PKNOX2: variants seen among roughly 807,000 people sequenced by gnomAD.
PKNOX2 encodes homeobox protein PKNOX2.
A neutral mutation model predicts 53.1 loss-of-function variants in PKNOX2; 14 were observed. The observed-to-expected ratio is 0.26, with a 90% CI of 0.17 to 0.41. The LOEUF is 0.41. Ranked by LOEUF, PKNOX2 falls within the 10% of genes least tolerant of loss-of-function variation. PKNOX2 has a pLI of 1.00. For missense variants in PKNOX2, 496 were observed against 602.8 expected (o/e 0.82, Z 1.85); for synonymous variants, 257 against 242.8 (o/e 1.06, Z -0.54).
chr11:125,430,158 AGT>A lies in PKNOX2; in HGVS notation c.1192+19_1192+20del. ...ACCCCGATGGTAAGAACTGGGGCTG[AGT>A]GCACCCTAGACAAGGGCTGGGGGTG... On this transcript the variant is annotated intron_variant, in intron 12 of 12. Transcript: ENST00000298282. 1 of 1,611,818 alleles carries A rather than the reference AGT, an allele frequency of 6.2e-7. No homozygotes were observed.
intron 2 of PKNOX2, among the ~76,000 whole-genome samples, chr11:125,302,779 G>A (rs1387954774): frequency 2.0e-5 from 3 of 152,184 alleles, no homozygotes; most frequent in African/African-American, 7.2e-5. Flanking sequence ...GGGAGGTGCC[G>A]TGTTCCCTCC....
At chr11:125,373,652 A>T (rs1952674682) in intron 5 of PKNOX2, among the ~76,000 whole-genome samples, 1 of 152,252 alleles carries the variant, frequency 6.6e-6, no homozygotes, top group Admixed American at 6.5e-5. Flanking sequence ...CGGCGCAGCA[A>T]GAGGCAGGGC....
intron 3 of PKNOX2, among the ~76,000 whole-genome samples, chr11:125,339,207 A>G (rs561108660): frequency 6.6e-6 from 1 of 152,200 alleles, no homozygotes; most frequent in South Asian, 2.1e-4. Flanking sequence ...TCTGTTTAAT[A>G]GCTGCCTGCC....
chr11:125,235,011 C>T (rs868237487), intron 1 of PKNOX2, 34 bp from the exon 2 acceptor site: 2 of 152,676 alleles, frequency 1.3e-5, no homozygotes, highest in Non-Finnish European at 1.5e-5. Flanking sequence ...CAGCATCTTA[C>T]ACAGTCTATA....
rs572599920 is a variant in PKNOX2 at position 125,222,337 on chromosome 11, A to C, written c.-200-12708A>C. Among the ~76,000 whole-genome samples the C allele has an allele frequency of 9.6e-4, 144 of 149,428 alleles. 1 individual carries two copies. Among genetic ancestry groups the C allele is most frequent in the Middle Eastern group, 3.4e-3 (1 of 292 alleles). On this transcript the variant is annotated intron_variant, in intron 1 of 12. Coordinates refer to ENST00000298282, the MANE Select transcript of PKNOX2 (RefSeq NM_001382323.2). ...GGTGCACTGGGGGGATCTTCTCCAC[A>C]CTTTCTTCAGGGTTGAGGCTATGTT...
At chr11:125,345,820 G>A (rs1471248716) in intron 3 of PKNOX2, among the ~76,000 whole-genome samples, 1 of 152,104 alleles carries the variant, frequency 6.6e-6, no homozygotes, top group Non-Finnish European at 1.5e-5. Flanking sequence ...TTGACTCAAA[G>A]TCCAATTCTC....
At chr11:125,410,668 C>G in intron 8 of PKNOX2, 111 bp from the exon 9 acceptor site, 1 of 811,650 alleles carries the variant, frequency 1.2e-6, no homozygotes. Context: ...TACCCAAGGG[C>G]TCCAAGTAGA....
chr11:125,216,017 CA>C (rs1405724918), intron 1 of PKNOX2, among the ~76,000 whole-genome samples: 1 of 152,228 alleles, frequency 6.6e-6, no homozygotes, highest in African/African-American at 2.4e-5. Context: ...TGCTCAACTT[CA>C]TTGCTTCTCT....
intron 1 of PKNOX2, among the ~76,000 whole-genome samples, chr11:125,206,325 G>A (rs574288771): frequency 2.6e-5 from 4 of 152,096 alleles, no homozygotes; most frequent in African/African-American, 9.7e-5. Flanking sequence ...GACTTGAGCA[G>A]AGAGTAGTTA....
chr11:125,285,292 T>C (rs942028975), intron 2 of PKNOX2, among the ~76,000 whole-genome samples: 2 of 152,016 alleles, frequency 1.3e-5, no homozygotes, highest in African/African-American at 4.8e-5. Flanking sequence ...AGAAGGAACG[T>C]TGGGAAAACA....
chr11:125,388,671 G>A (rs1410243300), intron 6 of PKNOX2, among the ~76,000 whole-genome samples: 2 of 151,604 alleles, frequency 1.3e-5, no homozygotes, highest in Non-Finnish European at 2.9e-5. Context: ...AACAAGCCCC[G>A]CATTTGAACT....
intron 10 of PKNOX2, among the ~76,000 whole-genome samples, chr11:125,421,183 G>C (rs1382907389): frequency 1.3e-5 from 2 of 152,210 alleles, no homozygotes; most frequent in African/African-American, 2.4e-5. Flanking sequence ...GCCAGGAGAG[G>C]TCAACCCACG....
At chr11:125,222,644 C>CATGTGTGTGTGTGTGCGTGT (rs1565472865) in intron 1 of PKNOX2, among the ~76,000 whole-genome samples, 1 of 129,764 alleles carries the variant, frequency 7.7e-6, no homozygotes, top group African/African-American at 3.0e-5. Context: ...TATGTGTGTG[C>CATGTGTGTGTGTGTGCGTGT]GTATGTGTGT....
intron 5 of PKNOX2, among the ~76,000 whole-genome samples, chr11:125,369,841 C>T (rs2136285332): frequency 6.6e-6 from 1 of 152,306 alleles, no homozygotes; most frequent in African/African-American, 2.4e-5. Context: ...AACTGCCCGA[C>T]AGCCTGATGA....
intron 2 of PKNOX2, among the ~76,000 whole-genome samples, chr11:125,279,011 C>A (rs191509644): frequency 1.3e-5 from 2 of 152,192 alleles, no homozygotes; most frequent in African/African-American, 2.4e-5. Flanking sequence ...CTGGCTGTAC[C>A]TATTCTCTCC....
chr11:125,258,759 C>T (rs138568949), intron 2 of PKNOX2: 42 of 242,830 alleles, frequency 1.7e-4, no homozygotes, highest in African/African-American at 8.1e-4. Context: ...CCCCTGCTGC[C>T]GCCCTGGCTG....
intron 1 of PKNOX2, among the ~76,000 whole-genome samples, chr11:125,231,735 T>C (rs1942223512): frequency 6.6e-6 from 1 of 152,022 alleles, no homozygotes; most frequent in Non-Finnish European, 1.5e-5. Flanking sequence ...TGTGTGTGTG[T>C]GTGTGGAGAG....
chr11:125,325,849 C>G (rs1231027896), intron 2 of PKNOX2, among the ~76,000 whole-genome samples: 1 of 152,230 alleles, frequency 6.6e-6, no homozygotes, highest in South Asian at 2.1e-4. Flanking sequence ...CCCACATTCA[C>G]TTAGTGTTAC....
At position 125,349,837 on chromosome 11, in the gene PKNOX2, TCACACACACACACA is replaced by T. The variant is rs60332384; in HGVS notation, c.-22-1420_-22-1407del. On this transcript the variant is annotated intron_variant, in intron 3 of 12. Transcript: ENST00000298282. ...ACTTCCTGAAAAAGAACCAAAAGAATCACACACACACACACACACACACACACACACACACACAC... is the reference window on the plus strand; with the variant it reads ...ACTTCCTGAAAAAGAACCAAAAGAATCACACACACACACACACACACACAC... 9.2e-3 allele frequency among the ~76,000 whole-genome samples: 1,272 copies of T among 138,116 alleles called. 21 individuals are homozygous for T. The highest frequency in any genetic ancestry group is 0.029 in the African/African-American group (1,072 of 36,610). 90.6% of individuals were successfully genotyped at this position (138,116 alleles called of 152,430 possible).
Sources: allele counts gnomAD v4.1 joint callset (sites outside exome capture counted in the v4.1 genomes callset), GRCh38; gene constraint gnomAD v4.1.1; transcripts MANE v1.5; gene names NCBI Gene and HGNC (gene_info 2026-07-23, HGNC 2026-07-21).